The following TBC1D8 variants were observed in gnomAD, a reference collection of about 807,000 sequenced individuals.
TBC1D8 encodes BUB2-like protein 1.
In TBC1D8, 65 loss-of-function variants were observed where a neutral mutation model predicts 118.8. The ratio of observed to expected loss-of-function variants is 0.55; its 90% CI spans 0.45 to 0.67. The LOEUF is 0.67. TBC1D8 is among the 30% of genes least tolerant of loss of function. The pLI is 0.00. For synonymous variants in TBC1D8, 566 were observed against 595.8 expected, an observed-to-expected ratio of 0.95 and a Z score of 0.73; for missense variants, 1,376 against 1,471.2, an observed-to-expected ratio of 0.94 and a Z score of 1.06.
chr2:101,092,669 T>TGTCCTCATCGTTC (rs1408083292), intron 1 of TBC1D8, among the ~76,000 whole-genome samples: 1 of 152,222 alleles, frequency 6.6e-6, no homozygotes, highest in Non-Finnish European at 1.5e-5. Flanking sequence ...CCTTCGGATG[T>TGTCCTCATCGTTC]GTCCTCATCG....
intron 8 of TBC1D8, among the ~76,000 whole-genome samples, chr2:101,036,717 T>C (rs1037564459): frequency 1.3e-5 from 2 of 152,352 alleles, no homozygotes; most frequent in Middle Eastern, 3.4e-3. Flanking sequence ...CTGAAAATAC[T>C]TGAAATTACC....
At chr2:101,147,759 G>A (rs917391708) in intron 1 of TBC1D8, among the ~76,000 whole-genome samples, 1 of 152,134 alleles carries the variant, frequency 6.6e-6, no homozygotes, top group Non-Finnish European at 1.5e-5. Context: ...AAGTGCTTCA[G>A]AGACCCTGGG....
intron 1 of TBC1D8, among the ~76,000 whole-genome samples, chr2:101,117,289 T>G (rs1055567233): frequency 1.3e-5 from 2 of 152,158 alleles, no homozygotes; most frequent in African/African-American, 4.8e-5. Context: ...AATGCCCAAC[T>G]CAGGCCCTGG....
At position 101,029,505 on chromosome 2, in the gene TBC1D8, C is replaced by G. The variant is rs1680545558; in HGVS notation, c.2208G>C (p.Leu736Phe). Residue 736 changes from leucine to phenylalanine, a missense_variant, in exon 12 of 20, where the codon TTG becomes TTC. Physicochemically the swap from Leu to Phe is conservative, Grantham distance 22. Coordinates refer to ENST00000409318, the MANE Select transcript of TBC1D8 (RefSeq NM_001330348.2). ...GCGGGGCCCACCTGCTGAGGATCAT[C>G]AAGGCCTGGCCATCATCCTTGCTGC... ...LCSSKDDGQA[L>F]MILSRFLDHI... 6.2e-7 allele frequency: 1 copy of G among 1,613,076 alleles called. No individual in the cohort carries two copies. The highest frequency in any genetic ancestry group is 1.3e-5 in the African/African-American group (1 of 75,020).
rs149570820 is a variant in TBC1D8, at chr2:101,079,830, C to T, written c.283+10379G>A. On this transcript the variant is annotated intron_variant, in intron 2 of 19. Coordinates refer to ENST00000409318, the MANE Select transcript of TBC1D8 (RefSeq NM_001330348.2). ...CCTCCAGAGTAGCTGGGACTACAGG[C>T]GCCCGCCACCACGCCTGGCTAATTT... is the stretch of plus-strand genomic sequence containing the variant. Among the ~76,000 whole-genome samples the T allele has an allele frequency of 8.1e-3, 1,213 of 150,434 alleles. 19 individuals carry two copies. The highest frequency in any genetic ancestry group is 0.027 in the African/African-American group (1,120 of 40,950).
At chr2:101,135,166 C>T (rs865922439) in intron 1 of TBC1D8, among the ~76,000 whole-genome samples, 7 of 151,770 alleles carry the variant, frequency 4.6e-5, no homozygotes, top group Admixed American at 1.3e-4. Flanking sequence ...AGCGAGACTC[C>T]GTCTCAAAAA....
intron 1 of TBC1D8, among the ~76,000 whole-genome samples, chr2:101,124,233 C>T (rs1678254664): frequency 6.6e-6 from 1 of 152,144 alleles, no homozygotes; most frequent in Non-Finnish European, 1.5e-5. Context: ...TTACAATCTC[C>T]AACAGAAAAA....
chr2:101,146,165 C>A (rs1010118663), intron 1 of TBC1D8, among the ~76,000 whole-genome samples: 7 of 152,168 alleles, frequency 4.6e-5, no homozygotes, highest in African/African-American at 1.7e-4. Context: ...AAGTAAGATT[C>A]ATTATTGTCC....
chr2:101,039,244 A>T (rs542198435), intron 6 of TBC1D8, among the ~76,000 whole-genome samples: 86 of 152,308 alleles, frequency 5.6e-4, no homozygotes, highest in African/African-American at 1.7e-3. Context: ...ACCAAAAAAA[A>T]TTTTTTAAGC....
At chr2:101,146,810 C>T (rs533210170) in intron 1 of TBC1D8, among the ~76,000 whole-genome samples, 151 of 152,312 alleles carry the variant, frequency 9.9e-4, no homozygotes, top group Non-Finnish European at 1.2e-3. Flanking sequence ...AACAGCAGAA[C>T]TTACTTCTCC....
At chr2:101,122,110 C>A (rs2104235919) in intron 1 of TBC1D8, among the ~76,000 whole-genome samples, 1 of 147,848 alleles carries the variant, frequency 6.8e-6, no homozygotes, top group East Asian at 2.0e-4. Flanking sequence ...TCTTGCTCTG[C>A]CGCGAGGCTG....
chr2:101,111,888 T>C (rs1186130295), intron 1 of TBC1D8, among the ~76,000 whole-genome samples: 1 of 148,746 alleles, frequency 6.7e-6, no homozygotes, highest in Admixed American at 6.8e-5. Context: ...GTTACAATGG[T>C]CAAATGTTGT....
intron 2 of TBC1D8, among the ~76,000 whole-genome samples, chr2:101,076,831 T>C (rs1195596182): frequency 6.6e-6 from 1 of 152,208 alleles, no homozygotes; most frequent in Non-Finnish European, 1.5e-5. Flanking sequence ...TAGGTGATAG[T>C]ATAAATGATG....
chr2:101,095,816 G>C (rs751725828), intron 1 of TBC1D8, among the ~76,000 whole-genome samples: 1 of 152,114 alleles, frequency 6.6e-6, no homozygotes, highest in Non-Finnish European at 1.5e-5. Flanking sequence ...GTCTTCTCTA[G>C]TCAGTAAGAA....
At chr2:101,064,935 C>T (rs1012814143) in intron 2 of TBC1D8, among the ~76,000 whole-genome samples, 13 of 152,130 alleles carry the variant, frequency 8.5e-5, no homozygotes, top group East Asian at 1.9e-4. Context: ...ATAACCAACC[C>T]GAAAGCCAAT....
rs535379249 is a variant in TBC1D8, at chr2:101,048,103, C to A, written c.872+2298G>T. Among the ~76,000 whole-genome samples, 7 of 152,310 alleles carry A rather than the reference C, an allele frequency of 4.6e-5. No individual in the cohort carries two copies. The South Asian group carries it at 1.4e-3, about 32-fold the overall frequency. On this transcript the variant is annotated intron_variant, in intron 5 of 19. Transcript: ENST00000409318. ...GGTTGCACTCACACGCCCATGTGCC[C>A]CACACACACAGGGAGAGGGGGAGAA...
rs1052562838 is a variant in TBC1D8 at position 101,102,752 on chromosome 2, G to A, written c.128-12388C>T. On this transcript the variant is annotated intron_variant, in intron 1 of 19. Transcript: ENST00000409318. ...GGAAATATTATCAGGAATAAAGAGG[G>A]GTATTACAGGCCAGGCACAATGGCT... Among the ~76,000 whole-genome samples, 4 of 151,608 alleles carry A rather than the reference G, an allele frequency of 2.6e-5. No individual in the cohort carries two copies. The South Asian group carries it at 6.3e-4, about 24-fold the overall frequency.
chr2:101,070,009 G>A (rs1208690794), intron 2 of TBC1D8, among the ~76,000 whole-genome samples: 2 of 150,416 alleles, frequency 1.3e-5, no homozygotes, highest in African/African-American at 4.9e-5. Context: ...TCCGCCTCCT[G>A]GGTTGAGGCG....
intron 1 of TBC1D8, among the ~76,000 whole-genome samples, chr2:101,097,732 A>G (rs1676562803): frequency 6.6e-6 from 1 of 152,120 alleles, no homozygotes; most frequent in Admixed American, 6.6e-5. Context: ...GCCAGGCATA[A>G]TTGCATGCAC....
Sources: allele counts gnomAD v4.1 joint callset (sites outside exome capture counted in the v4.1 genomes callset), GRCh38; gene constraint gnomAD v4.1.1; transcripts MANE v1.5; gene names NCBI Gene and HGNC (gene_info 2026-07-23, HGNC 2026-07-21).